Variants in FAM120C observed in about 807,000 individuals in gnomAD.
The protein encoded by FAM120C is family with sequence similarity 120 member C.
Under a neutral mutation model 71.2 loss-of-function variants are expected in FAM120C, and 14 were observed. The ratio of observed to expected loss-of-function variants is 0.20; its 90% CI spans 0.13 to 0.31. The LOEUF is 0.31. Ranked by LOEUF, FAM120C falls within the 10% of genes least tolerant of loss-of-function variation. FAM120C has a pLI of 1.00. For synonymous variants in FAM120C, 354 were observed against 353.2 expected (o/e 1.00, Z -0.03); for missense variants, 500 against 879.0 (o/e 0.57, Z 5.45).
intron 13 of FAM120C, among the ~76,000 whole-genome samples, chrX:54,081,905 G>A (rs1243528436): frequency 9.0e-6 from 1 of 110,702 alleles, no homozygotes; most frequent in Admixed American, 9.7e-5. Flanking sequence ...CTCTGTGGCA[G>A]GGCACGGTGG....
rs1481186800 is a variant in FAM120C at position 54,182,794 on chromosome X, C to A, written c.405G>T (p.Thr135=). The A allele has an allele frequency of 1.7e-6, 2 of 1,200,730 alleles. No homozygotes were observed. The highest frequency in any genetic ancestry group is 1.7e-5 in the African/African-American group (1 of 57,523). Residue 135 remains threonine, a synonymous_variant, in exon 1 of 16, where the codon ACG becomes ACT. Transcript: ENST00000375180. ...TCCATTGGCCGCCACACACCCAATC[C>A]GTCTGGTAGCCGCCATAGAGCCGCG... is the stretch of plus-strand genomic sequence containing the variant. ...ALPRLYGGYQ[T]DWVCGGQWNA...
chrX:54,072,881 G>T lies in FAM120C; in HGVS notation c.*152C>A, dbSNP rs1052754233. Reference sequence around the variant, plus strand: ...GAATCTGAAGTCCCAGAAACAGGCAGGGAAGGGGAAAAGATGGACACAATA... The same window carrying T: ...GAATCTGAAGTCCCAGAAACAGGCATGGAAGGGGAAAAGATGGACACAATA... On this transcript the variant is annotated 3_prime_UTR_variant, in exon 16 of 16. Transcript: ENST00000375180. 3.4e-5 allele frequency: 22 copies of T among 642,125 alleles called. No individual in the cohort carries two copies. The highest frequency in any genetic ancestry group is 5.0e-5 in the Non-Finnish European group (22 of 437,429). The allele number at this position is 642,125 out of a possible 1,213,427, so 52.9% of individuals were successfully genotyped here. A position where few individuals can be genotyped will look rare whatever the true frequency, so the allele number is the denominator to read the frequency against.
At position 54,097,867 on chromosome X, in the gene FAM120C, C is replaced by A. The variant is rs1206755107; in HGVS notation, c.2313-6441G>T. Among the ~76,000 whole-genome samples the A allele has an allele frequency of 5.5e-5, 6 of 109,484 alleles. No homozygotes were observed. In the Admixed American group the frequency reaches 5.9e-4, roughly 11 times the overall value. On this transcript the variant is annotated intron_variant, in intron 10 of 15. Transcript: ENST00000375180. ...TCAGCCTCCCGAATAGCTGGGACTA[C>A]AGGCGCCCGCTACCACGCCCGGCTA...
intron 3 of FAM120C, among the ~76,000 whole-genome samples, chrX:54,155,342 GA>G (rs782013392): frequency 1.8e-5 from 2 of 112,265 alleles, no homozygotes; most frequent in Admixed American, 1.9e-4. Context: ...GGCAGTCAGC[GA>G]GGTAGGAAGG....
At chrX:54,083,259 C>T (rs2066775884) in intron 13 of FAM120C, among the ~76,000 whole-genome samples, 1 of 110,068 alleles carries the variant, frequency 9.1e-6, no homozygotes, top group Non-Finnish European at 1.9e-5. Context: ...TAGTTTATGA[C>T]AAGAAACCAA....
intron 10 of FAM120C, among the ~76,000 whole-genome samples, chrX:54,107,454 C>T (rs782796875): frequency 1.5e-4 from 16 of 109,575 alleles, no homozygotes; most frequent in Admixed American, 4.0e-4. Flanking sequence ...TAATATGGGA[C>T]AATGTAGGGC....
Position 54,134,933 on chromosome X carries a change from T to C in FAM120C, c.1514A>G (p.Gln505Arg). The change falls in exon 7 of 16, where the codon CAG (glutamine) becomes CGG (arginine). Residue 505 changes from glutamine to arginine, a missense_variant. By Grantham distance (43) the Gln-to-Arg change is conservative. Transcript: ENST00000375180. Reference protein sequence around the residue: ...WAVSYDSSASQFPNYLPSKAS... With the variant: ...WAVSYDSSASRFPNYLPSKAS... ...TTTAGAAGGCAGGTAATTGGGAAAC[T>C]GGGATGCAGAAGAGTCATAGGAGAC... is the stretch of plus-strand genomic sequence containing the variant. 1 of 1,211,240 alleles carries C rather than the reference T, an allele frequency of 8.3e-7. No homozygotes were observed. Among genetic ancestry groups the C allele is most frequent in the Non-Finnish European group, 1.1e-6 (1 of 895,348 alleles).
intron 10 of FAM120C, among the ~76,000 whole-genome samples, chrX:54,106,585 G>A (rs1557124880): frequency 2.7e-5 from 3 of 112,012 alleles, no homozygotes. Flanking sequence ...AAAAGCTTCT[G>A]CACAGCAAAA....
At chrX:54,107,957 G>A (rs1258844026) in intron 10 of FAM120C, among the ~76,000 whole-genome samples, 2 of 98,165 alleles carry the variant, frequency 2.0e-5, no homozygotes, top group Non-Finnish European at 4.0e-5. Flanking sequence ...GCTCTGAGAC[G>A]TAAAATTATA....
intron 9 of FAM120C, among the ~76,000 whole-genome samples, chrX:54,118,709 T>C (rs868957536): frequency 0.014 from 1,231 of 89,127 alleles, 22 homozygotes; most frequent in African/African-American, 0.05. Context: ...CTTTTTTTTT[T>C]TTTTTTTTTT....
At chrX:54,087,704 C>T (rs1557122119) in intron 12 of FAM120C, 51 bp downstream of exon 12, 1 of 1,122,583 alleles carries the variant, frequency 8.9e-7, no homozygotes, top group Admixed American at 2.2e-5. Flanking sequence ...CCTGCCCATT[C>T]ACTCCCACAG....
intron 10 of FAM120C, among the ~76,000 whole-genome samples, chrX:54,112,535 G>A (rs2066942738): frequency 9.3e-6 from 1 of 107,697 alleles, no homozygotes; most frequent in Admixed American, 1.0e-4. Flanking sequence ...GAGAAACCCC[G>A]TCTCTACTGA....
chrX:54,106,416 G>A (rs782702038), intron 10 of FAM120C, among the ~76,000 whole-genome samples: 1 of 111,596 alleles, frequency 9.0e-6, no homozygotes, highest in African/African-American at 3.3e-5. Flanking sequence ...AACTCAAGAT[G>A]GATTAAAGAC....
chrX:54,160,294 T>G (rs2067229795), intron 1 of FAM120C, among the ~76,000 whole-genome samples: 1 of 111,420 alleles, frequency 9.0e-6, no homozygotes, highest in Non-Finnish European at 1.9e-5. Flanking sequence ...TTTTTCTTAG[T>G]AGCACTGTAC....
chrX:54,152,945 C>T (rs1286593945), intron 3 of FAM120C, among the ~76,000 whole-genome samples: 1 of 111,437 alleles, frequency 9.0e-6, no homozygotes, highest in Non-Finnish European at 1.9e-5. Context: ...CCAGTAGTCC[C>T]GGCACTCTGG....
chrX:54,077,937 CTCTT>C (rs1362381984), intron 15 of FAM120C, among the ~76,000 whole-genome samples: 3 of 57,034 alleles, frequency 5.3e-5, no homozygotes, highest in African/African-American at 1.3e-4. Flanking sequence ...ATAAGATCTA[CTCTT>C]TTTTTTTTTT....
In FAM120C at chrX:54,162,790, C is replaced by T. The variant is rs191202868; in HGVS notation, c.700-3174G>A. On this transcript the variant is annotated intron_variant, in intron 1 of 15. Transcript: ENST00000375180. ...CCAAACCCCCCTCACATCCACTAAC[C>T]TTGCAATAACATCAGGAGGCATTAT... Among the ~76,000 whole-genome samples, 3 of 111,860 alleles carry T rather than the reference C, an allele frequency of 2.7e-5. No homozygotes were observed. In the East Asian group the frequency reaches 8.4e-4, roughly 31 times the overall value.
chrX:54,129,869 A>C (rs1216314264), intron 9 of FAM120C, among the ~76,000 whole-genome samples: 5 of 110,473 alleles, frequency 4.5e-5, no homozygotes, highest in African/African-American at 1.6e-4. Context: ...AAAATATGAA[A>C]ACCAGTCAGG....
chrX:54,139,307 TAG>T (rs1201514588), intron 4 of FAM120C, among the ~76,000 whole-genome samples: 2 of 107,212 alleles, frequency 1.9e-5, no homozygotes, highest in Non-Finnish European at 3.8e-5. Flanking sequence ...TTATCTCTCA[TAG>T]ATTTTGATTT....
Sources: gnomAD v4.1 joint callset for allele counts (sites outside exome capture counted in the v4.1 genomes callset) on GRCh38, gnomAD v4.1.1 for gene constraint, MANE v1.5 for transcripts, NCBI Gene and HGNC (gene_info 2026-07-23, HGNC 2026-07-21) for gene names.